Variants in DDHD1 observed in about 807,000 individuals in gnomAD.
DDHD1 encodes DDHD domain containing 1.
In DDHD1, 49 loss-of-function variants were observed where a neutral mutation model predicts 96.4. That is an observed-to-expected ratio of 0.51 (90% CI 0.40 to 0.64). The LOEUF (loss-of-function observed/expected upper bound fraction) is 0.64. Among genes scored for constraint, DDHD1 ranks in the 30% least tolerant of loss-of-function variants. The probability of loss-of-function intolerance (pLI) is 0.00; values close to 1 mark genes in which losing one functional copy is unlikely to be tolerated. For synonymous variants in DDHD1, 442 were observed against 446.5 expected (o/e 0.99, Z 0.13); for missense variants, 1,106 against 1,161.2 (o/e 0.95, Z 0.69).
In DDHD1 at chr14:53,116,127, A is replaced by T. The variant is rs937985162; in HGVS notation, c.839-12271T>A. Among the ~76,000 whole-genome samples the T allele has an allele frequency of 3.3e-5, 5 of 152,348 alleles. No individual in the cohort carries two copies. The East Asian group carries it at 9.6e-4, about 29-fold the overall frequency. On this transcript the variant is annotated intron_variant, in intron 1 of 12. Coordinates refer to ENST00000673822, the MANE Select transcript of DDHD1 (RefSeq NM_001160148.2). ...CCAACAAGGATCAAAAAAGACAAAG[A>T]AGGACATTACATAATGGTAAAGGGA... is the stretch of plus-strand genomic sequence containing the variant.
intron 7 of DDHD1, among the ~76,000 whole-genome samples, chr14:53,061,536 TA>T: frequency 6.6e-6 from 1 of 152,282 alleles, no homozygotes; most frequent in Middle Eastern, 3.4e-3. Context: ...TTTCTATACT[TA>T]AGAGTTTAGA....
intron 3 of DDHD1, chr14:53,093,033 T>C: frequency 1.0e-5 from 2 of 199,310 alleles, no homozygotes; most frequent in Non-Finnish European, 2.0e-5. Flanking sequence ...CTTGACACTA[T>C]ATTTCAACTG....
At chr14:53,057,680 G>A (rs2139846557) in intron 9 of DDHD1, among the ~76,000 whole-genome samples, 1 of 152,284 alleles carries the variant, frequency 6.6e-6, no homozygotes, top group East Asian at 1.9e-4. Flanking sequence ...TGTACTAACT[G>A]TCTGGGAATA....
At position 53,106,408 on chromosome 14, in the gene DDHD1, C is replaced by T. The variant is rs569874628; in HGVS notation, c.839-2552G>A. On this transcript the variant is annotated intron_variant, in intron 1 of 12. Coordinates refer to ENST00000673822, the MANE Select transcript of DDHD1 (RefSeq NM_001160148.2). ...GTGCAGTGACTCATGCCTGTAATCC[C>T]AGCATTCTGAGAGGCCGAGCCAGGT... is the stretch of plus-strand genomic sequence containing the variant. Among the ~76,000 whole-genome samples, 8 of 152,222 alleles carry T rather than the reference C, an allele frequency of 5.3e-5. No individual in the cohort carries two copies. The South Asian group carries it at 1.0e-3, about 20-fold the overall frequency.
At position 53,046,918 on chromosome 14, in the gene DDHD1, G is replaced by C. The variant is rs1057522680; in HGVS notation, c.2553C>G (p.Leu851=). 3.1e-6 allele frequency: 5 copies of C among 1,610,396 alleles called. No homozygotes were observed. In the South Asian group the frequency reaches 5.5e-5, roughly 18 times the overall value. ...VELDHRIDFE[L]REGLVESRYW... is the part of the protein sequence containing the mutation. ...AGCGGCTCTCCACAAGGCCTTCTCT[G>C]AGTTCAAAATCAATCCTGTGATCCA... Residue 851 remains leucine (L), a synonymous_variant, in exon 13 of 13, where the codon CTC becomes CTG. Transcript: ENST00000673822.
chr14:53,148,253 A>C (rs1171713850), intron 1 of DDHD1, among the ~76,000 whole-genome samples: 1 of 152,234 alleles, frequency 6.6e-6, no homozygotes. Context: ...TAGTCAATGA[A>C]TAGAAATCAC....
At chr14:53,109,779 A>C (rs1887970810) in intron 1 of DDHD1, among the ~76,000 whole-genome samples, 1 of 152,216 alleles carries the variant, frequency 6.6e-6, no homozygotes, top group Non-Finnish European at 1.5e-5. Context: ...AAACTAAATA[A>C]TTTGCTTAAA....
chr14:53,073,157 C>G (rs1884663465), intron 5 of DDHD1, among the ~76,000 whole-genome samples: 1 of 151,956 alleles, frequency 6.6e-6, no homozygotes, highest in Non-Finnish European at 1.5e-5. Context: ...ATTTAACAGA[C>G]ATAACTTTGT....
In DDHD1 at chr14:53,152,643, C is replaced by G. The variant is rs1197020771; in HGVS notation, c.456G>C (p.Ala152=). The G allele has an allele frequency of 8.1e-6, 13 of 1,612,904 alleles. No homozygotes were observed. Among genetic ancestry groups the G allele is most frequent in the Non-Finnish European group, 1.1e-5 (13 of 1,179,860 alleles). ...ERKRTRLGGP[A]ARHRYEVVTE... ...TCACTACCTCATAGCGGTGCCGGGC[C>G]GCCGGGCCGCCAAGCCGGGTACGTT... The change falls in exon 1 of 13, where the codon GCG becomes GCC. Residue 152 remains alanine, a synonymous_variant. Transcript: ENST00000673822.
At chr14:53,069,536 T>C (rs998298815) in intron 6 of DDHD1, among the ~76,000 whole-genome samples, 1 of 152,230 alleles carries the variant, frequency 6.6e-6, no homozygotes, top group Non-Finnish European at 1.5e-5. Flanking sequence ...TAGTATAGTG[T>C]AACCATAATT....
chr14:53,137,250 CAATAGAAACAT>C (rs1429940147), intron 1 of DDHD1, among the ~76,000 whole-genome samples: 2 of 151,962 alleles, frequency 1.3e-5, no homozygotes, highest in East Asian at 3.9e-4. Flanking sequence ...AAGAAAACAG[CAATAGAAACAT>C]AATAGAAACT....
intron 1 of DDHD1, among the ~76,000 whole-genome samples, chr14:53,133,643 T>A (rs938418180): frequency 6.6e-6 from 1 of 152,198 alleles, no homozygotes; most frequent in Non-Finnish European, 1.5e-5. Flanking sequence ...CTCGGGATGC[T>A]ACAGGGTACA....
intron 4 of DDHD1, among the ~76,000 whole-genome samples, chr14:53,082,738 G>A (rs774115302): frequency 2.8e-5 from 4 of 144,288 alleles, no homozygotes; most frequent in African/African-American, 5.3e-5. Flanking sequence ...CAGCTTGGGC[G>A]ACAGAGTGAG....
intron 1 of DDHD1, among the ~76,000 whole-genome samples, chr14:53,112,359 G>A (rs1888171810): frequency 6.6e-6 from 1 of 151,858 alleles, no homozygotes; most frequent in African/African-American, 2.4e-5. Context: ...AGAGGTTGCA[G>A]TGAGCTGAGA....
intron 4 of DDHD1, among the ~76,000 whole-genome samples, chr14:53,083,310 T>A (rs989883837): frequency 1.3e-5 from 2 of 152,218 alleles, no homozygotes; most frequent in Non-Finnish European, 2.9e-5. Flanking sequence ...TCTAAGATTA[T>A]AGCTTTAAAA....
intron 4 of DDHD1, among the ~76,000 whole-genome samples, chr14:53,087,160 G>A (rs186707524): frequency 6.6e-6 from 1 of 151,892 alleles, no homozygotes; most frequent in East Asian, 1.9e-4. Flanking sequence ...ATTCATAAAG[G>A]AAGTCCTTAG....
intron 2 of DDHD1, among the ~76,000 whole-genome samples, chr14:53,099,895 T>C (rs1316192354): frequency 6.6e-6 from 1 of 152,168 alleles, no homozygotes; most frequent in Non-Finnish European, 1.5e-5. Context: ...TTATCTTTAT[T>C]TGTATGCTAC....
intron 1 of DDHD1, among the ~76,000 whole-genome samples, chr14:53,140,064 C>A (rs913505456): frequency 1.3e-5 from 2 of 151,628 alleles, no homozygotes; most frequent in Non-Finnish European, 2.9e-5. Flanking sequence ...TAAAGAATAC[C>A]TTTGATCAAC....
intron 1 of DDHD1, among the ~76,000 whole-genome samples, chr14:53,131,801 C>T (rs1032501156): frequency 6.6e-6 from 1 of 152,126 alleles, no homozygotes; most frequent in African/African-American, 2.4e-5. Flanking sequence ...ACAGGACACC[C>T]TCCTGCTCCT....
Sources: gnomAD v4.1 joint callset for allele counts (sites outside exome capture counted in the v4.1 genomes callset) on GRCh38, gnomAD v4.1.1 for gene constraint, MANE v1.5 for transcripts, NCBI Gene and HGNC (gene_info 2026-07-23, HGNC 2026-07-21) for gene names.